Variants in THEMIS observed in about 807,000 individuals in gnomAD.
THEMIS encodes the protein protein THEMIS.
THEMIS carries 37 observed loss-of-function variants against 52.6 expected under a neutral mutation model. The ratio of observed to expected loss-of-function variants is 0.70; its 90% CI spans 0.54 to 0.93. THEMIS has a LOEUF of 0.93. Among genes scored for constraint, THEMIS ranks in the 40% least tolerant of loss-of-function variants. THEMIS has a pLI of 0.00. For missense variants in THEMIS, 808 were observed against 763.1 expected, an observed-to-expected ratio of 1.06 and a Z score of -0.69; for synonymous variants, 292 against 272.7, an observed-to-expected ratio of 1.07 and a Z score of -0.70.
intron 4 of THEMIS, among the ~76,000 whole-genome samples, chr6:127,803,349 A>G (rs1018823172): frequency 3.3e-5 from 5 of 152,154 alleles, no homozygotes; most frequent in African/African-American, 1.2e-4. Flanking sequence ...GTCATTGAGT[A>G]GGCAGTGTTA....
At chr6:127,883,995 C>G (rs1190189827) in intron 1 of THEMIS, among the ~76,000 whole-genome samples, 5 of 152,128 alleles carry the variant, frequency 3.3e-5, no homozygotes, top group Admixed American at 1.3e-4. Context: ...CGGTCCATAG[C>G]AAGCCTTCAA....
intron 4 of THEMIS, among the ~76,000 whole-genome samples, chr6:127,757,692 C>A (rs1484132532): frequency 2.0e-5 from 3 of 152,100 alleles, no homozygotes; most frequent in Non-Finnish European, 2.9e-5. Context: ...ACCTTGTTAG[C>A]CAGGATGGTC....
intron 1 of THEMIS, among the ~76,000 whole-genome samples, chr6:127,889,411 T>C (rs1401979174): frequency 6.6e-6 from 1 of 152,106 alleles, no homozygotes; most frequent in African/African-American, 2.4e-5. Context: ...ATAGCACAAG[T>C]CAATTTATCT....
chr6:127,909,057 T>G (rs1781347334), intron 1 of THEMIS, among the ~76,000 whole-genome samples: 1 of 151,542 alleles, frequency 6.6e-6, no homozygotes, highest in Non-Finnish European at 1.5e-5. Flanking sequence ...TAAGTATATA[T>G]ATTACAAAAA....
At chr6:127,854,944 A>ATTTTTTCTTG (rs1562302279) in intron 2 of THEMIS, 86 bp downstream of exon 2, 16 of 1,223,630 alleles carry the variant, frequency 1.3e-5, no homozygotes, top group Admixed American at 6.1e-5. Context: ...AAAACAGACC[A>ATTTTTTCTTG]TTTTTTTCTT....
At position 127,850,750 on chromosome 6, in the gene THEMIS, G is replaced by A. The variant is rs991536285; in HGVS notation, c.250+4280C>T. The stretch of plus-strand genomic sequence containing the variant: ...GACTTAGCGGGGAAGGTTGGAAGGG[G>A]GTGAGGGATTAAAAGACTACATATT... On this transcript the variant is annotated intron_variant, in intron 2 of 5. Transcript: ENST00000368248. Among the ~76,000 whole-genome samples, 19 of 151,638 alleles carry A rather than the reference G, an allele frequency of 1.3e-4. 1 individual carries two copies. Among genetic ancestry groups the A allele is most frequent in the Admixed American group, 1.1e-3 (17 of 15,158 alleles).
At chr6:127,915,586 A>G (rs1348389088) in intron 1 of THEMIS, among the ~76,000 whole-genome samples, 2 of 140,324 alleles carry the variant, frequency 1.4e-5, no homozygotes, top group African/African-American at 2.7e-5. Context: ...GTCAGAGAGA[A>G]AGAGAGAGAG....
chr6:127,889,973 G>A (rs765215852), intron 1 of THEMIS, among the ~76,000 whole-genome samples: 17 of 152,198 alleles, frequency 1.1e-4, no homozygotes, highest in African/African-American at 3.1e-4. Flanking sequence ...AGAGTGACAC[G>A]TCTTCTATTA....
chr6:127,874,254 CA>C (rs1439446314), intron 1 of THEMIS, among the ~76,000 whole-genome samples: 2 of 152,256 alleles, frequency 1.3e-5, no homozygotes, highest in Non-Finnish European at 2.9e-5. Context: ...AACAGGGCTA[CA>C]AAATTATTAT....
At chr6:127,875,026 T>A (rs1780272511) in intron 1 of THEMIS, among the ~76,000 whole-genome samples, 1 of 152,218 alleles carries the variant, frequency 6.6e-6, no homozygotes, top group Admixed American at 6.5e-5. Context: ...TGTGCATGCA[T>A]GCAGGGGATC....
chr6:127,867,944 A>AC (rs1780034838), intron 1 of THEMIS, among the ~76,000 whole-genome samples: 1 of 148,924 alleles, frequency 6.7e-6, no homozygotes, highest in Non-Finnish European at 1.5e-5. Context: ...ACACACACAC[A>AC]ATTTTCTTTC....
chr6:127,699,425 A>C, the THEMIS span, among the ~76,000 whole-genome samples: 2 of 150,362 alleles, frequency 1.3e-5, no homozygotes, highest in Admixed American at 1.3e-4. Flanking sequence ...TGACAAAAGT[A>C]AATAATTAAA....
At chr6:127,784,955 CT>C (rs964200606) in intron 4 of THEMIS, among the ~76,000 whole-genome samples, 2 of 7,816 alleles carry the variant, frequency 2.6e-4, no homozygotes, top group East Asian at 1.9e-3. Flanking sequence ...GTCACACTAT[CT>C]ATCTATCTAT....
At chr6:127,815,278 T>C (rs141076062) in intron 3 of THEMIS, among the ~76,000 whole-genome samples, 172 of 152,326 alleles carry the variant, frequency 1.1e-3, no homozygotes, top group African/African-American at 3.8e-3. Context: ...TGGCATTGAT[T>C]TTCAATATCT....
chr6:127,700,394 C>T, the THEMIS span, among the ~76,000 whole-genome samples: 8,498 of 151,728 alleles, frequency 0.056, 270 homozygotes, highest in Non-Finnish European at 0.08. Flanking sequence ...AATTAAACGT[C>T]AGGGTTATGT....
chr6:127,777,023 C>A (rs1018380330), intron 4 of THEMIS, among the ~76,000 whole-genome samples: 3 of 151,896 alleles, frequency 2.0e-5, no homozygotes, highest in African/African-American at 7.2e-5. Flanking sequence ...TTTTCCCATT[C>A]TTTTAACTTT....
intron 1 of THEMIS, among the ~76,000 whole-genome samples, chr6:127,889,044 A>G (rs1312027892): frequency 6.6e-6 from 1 of 152,098 alleles, no homozygotes; most frequent in African/African-American, 2.4e-5. Context: ...AATAAAGTAT[A>G]TTTCTTATTT....
upstream of THEMIS, among the ~76,000 whole-genome samples, chr6:127,903,251 C>G (rs963674737): frequency 6.6e-6 from 1 of 151,946 alleles, no homozygotes; most frequent in Non-Finnish European, 1.5e-5. Context: ...ACTTCTGACA[C>G]ACAGGCAAAA....
At chr6:127,893,404 A>G (rs769471340) in intron 1 of THEMIS, among the ~76,000 whole-genome samples, 4 of 152,126 alleles carry the variant, frequency 2.6e-5, no homozygotes, top group South Asian at 2.1e-4. Context: ...AGCTCAATTA[A>G]TCTTCACATC....
Sources: gnomAD v4.1 joint callset for allele counts (sites outside exome capture counted in the v4.1 genomes callset) on GRCh38, gnomAD v4.1.1 for gene constraint, MANE v1.5 for transcripts, NCBI Gene and HGNC (gene_info 2026-07-23, HGNC 2026-07-21) for gene names.